Variants in CEP112 observed in about 807,000 individuals in gnomAD.
CEP112 encodes the protein centrosomal protein 112, also known as centrosomal protein of 112 kDa.
In CEP112, 127 loss-of-function variants were observed where a neutral mutation model predicts 153.0. That is an observed-to-expected ratio of 0.83 (90% CI 0.72 to 0.96). The LOEUF (loss-of-function observed/expected upper bound fraction) is 0.96. Ranked by LOEUF, CEP112 falls within the 40% of genes least tolerant of loss-of-function variation. CEP112 has a pLI of 0.00. For missense variants in CEP112, 1,089 were observed against 1,101.2 expected (o/e 0.99, Z 0.16); for synonymous variants, 358 against 374.4 (o/e 0.96, Z 0.51).
At chr17:65,829,798 C>G (rs1481273925) in intron 21 of CEP112, among the ~76,000 whole-genome samples, 1 of 152,030 alleles carries the variant, frequency 6.6e-6, no homozygotes, top group African/African-American at 2.4e-5. Flanking sequence ...ATAAAAAGTA[C>G]TCAACTTAGC....
intron 18 of CEP112, among the ~76,000 whole-genome samples, chr17:65,932,904 T>C (rs1435869936): frequency 1.3e-5 from 2 of 152,138 alleles, no homozygotes; most frequent in South Asian, 2.1e-4. Context: ...ACCGTATCAA[T>C]AGAATTATAA....
At chr17:65,791,559 A>G (rs553972978) in intron 21 of CEP112, among the ~76,000 whole-genome samples, 1 of 152,344 alleles carries the variant, frequency 6.6e-6, no homozygotes, top group African/African-American at 2.4e-5. Context: ...TCTAGTTTCT[A>G]TGAAAACTTT....
At chr17:65,929,060 G>A (rs1484131034) in intron 18 of CEP112, among the ~76,000 whole-genome samples, 15 of 152,052 alleles carry the variant, frequency 9.9e-5, no homozygotes, top group African/African-American at 3.4e-4. Context: ...GATCTGGGAC[G>A]GTAACTGTTA....
intron 21 of CEP112, among the ~76,000 whole-genome samples, chr17:65,757,821 A>G (rs987503856): frequency 6.6e-6 from 1 of 152,174 alleles, no homozygotes; most frequent in Non-Finnish European, 1.5e-5. Context: ...TTTTTTGAAT[A>G]GCTTTAGTAT....
intron 17 of CEP112, among the ~76,000 whole-genome samples, chr17:65,962,284 A>T (rs564195725): frequency 9.9e-5 from 15 of 152,002 alleles, no homozygotes; most frequent in South Asian, 2.1e-4. Flanking sequence ...TTTTTTTTTT[A>T]AAACAATGTA....
chr17:66,076,567 G>A (rs1261251359), intron 8 of CEP112, among the ~76,000 whole-genome samples: 3 of 152,122 alleles, frequency 2.0e-5, no homozygotes, highest in Non-Finnish European at 2.9e-5. Context: ...CCCAAGGAGA[G>A]TCTGAGCTCA....
chr17:66,011,107 A>C (rs2064508136), intron 16 of CEP112, among the ~76,000 whole-genome samples: 1 of 151,936 alleles, frequency 6.6e-6, no homozygotes, highest in South Asian at 2.1e-4. Flanking sequence ...TTTGGTTGGT[A>C]GGCTTTTTAT....
At position 66,104,072 on chromosome 17, in the gene CEP112, GTCCTAGGCAA is replaced by G. The variant is rs2068677504; in HGVS notation, c.643-7450_643-7441del. Among the ~76,000 whole-genome samples the G allele has an allele frequency of 2.0e-5, 3 of 152,276 alleles. No homozygotes were observed. The South Asian group carries it at 6.2e-4, about 32-fold the overall frequency. On this transcript the variant is annotated intron_variant, in intron 6 of 26. Coordinates refer to ENST00000535342, the MANE Select transcript of CEP112 (RefSeq NM_001199165.4). ...GCAGTCTAGGTCACAAGGACTGCAAGTCCTAGGCAATCTCTGATGCTGTGCTGAGCTCAAA... is the reference window on the plus strand; with the variant it reads ...GCAGTCTAGGTCACAAGGACTGCAAGTCTCTGATGCTGTGCTGAGCTCAAA...
chr17:66,022,487 T>C (rs1210347329), intron 16 of CEP112, among the ~76,000 whole-genome samples: 2 of 151,906 alleles, frequency 1.3e-5, no homozygotes, highest in Non-Finnish European at 2.9e-5. Context: ...GGTGGGCAGA[T>C]CACAAGGTCA....
At chr17:65,870,106 AG>A (rs1174073092) in intron 20 of CEP112, among the ~76,000 whole-genome samples, 1 of 150,394 alleles carries the variant, frequency 6.6e-6, no homozygotes, top group Admixed American at 6.6e-5. Context: ...GAAAATACAA[AG>A]AAAAAAAAGC....
At chr17:65,721,887 G>T (rs943634607) in intron 23 of CEP112, among the ~76,000 whole-genome samples, 6 of 151,964 alleles carry the variant, frequency 3.9e-5, no homozygotes, top group African/African-American at 1.5e-4. Context: ...ACTATTGAAG[G>T]AAAGAAACAT....
intron 21 of CEP112, among the ~76,000 whole-genome samples, chr17:65,788,235 C>T (rs757242878): frequency 7.2e-5 from 11 of 152,164 alleles, no homozygotes; most frequent in Non-Finnish European, 1.6e-4. Context: ...TGAAATCACC[C>T]TTGCATTCTT....
intron 21 of CEP112, among the ~76,000 whole-genome samples, chr17:65,791,343 C>T (rs1231187565): frequency 6.6e-6 from 1 of 152,102 alleles, no homozygotes; most frequent in African/African-American, 2.4e-5. Flanking sequence ...CGCTTTTGAG[C>T]TTTTTCTACT....
At chr17:65,977,893 G>A (rs940288693) in intron 17 of CEP112, among the ~76,000 whole-genome samples, 5 of 151,986 alleles carry the variant, frequency 3.3e-5, no homozygotes, top group South Asian at 2.1e-4. Flanking sequence ...TGGACAACAC[G>A]GTAAAACCCT....
At chr17:66,102,124 A>G (rs1568491359) in intron 6 of CEP112, among the ~76,000 whole-genome samples, 1 of 152,216 alleles carries the variant, frequency 6.6e-6, no homozygotes, top group Non-Finnish European at 1.5e-5. Context: ...CTAGAAAACA[A>G]TATCAGAGAT....
chr17:65,975,385 A>T (rs937984581), intron 17 of CEP112, among the ~76,000 whole-genome samples: 1 of 152,192 alleles, frequency 6.6e-6, no homozygotes, highest in Non-Finnish European at 1.5e-5. Flanking sequence ...AGAAATATAG[A>T]TGTATAAGTA....
chr17:66,133,870 C>T (rs146480321), intron 4 of CEP112, among the ~76,000 whole-genome samples: 4 of 152,210 alleles, frequency 2.6e-5, no homozygotes, highest in African/African-American at 9.6e-5. Context: ...CACAGAATAA[C>T]ATTCCTTAGA....
At chr17:66,057,322 A>T (rs1418972561) in intron 11 of CEP112, among the ~76,000 whole-genome samples, 3 of 152,196 alleles carry the variant, frequency 2.0e-5, no homozygotes, top group African/African-American at 7.2e-5. Flanking sequence ...CTGAAGCAAA[A>T]AGAAGAGTCT....
At chr17:66,134,794 C>A (rs2070363028) in intron 4 of CEP112, among the ~76,000 whole-genome samples, 1 of 152,126 alleles carries the variant, frequency 6.6e-6, no homozygotes, top group African/African-American at 2.4e-5. Context: ...TGCACTCCAG[C>A]CTGGGTGACA....
Sources: gnomAD v4.1 joint callset for allele counts (sites outside exome capture counted in the v4.1 genomes callset) on GRCh38, gnomAD v4.1.1 for gene constraint, MANE v1.5 for transcripts, NCBI Gene and HGNC (gene_info 2026-07-23, HGNC 2026-07-21) for gene names.